The following STK33 variants were observed in gnomAD, a reference collection of about 807,000 sequenced individuals.
The protein encoded by STK33 is serine/threonine-protein kinase 33.
Under a neutral mutation model 58.0 loss-of-function variants are expected in STK33, and 52 were observed. The ratio of observed to expected loss-of-function variants is 0.90; its 90% confidence interval spans 0.72 to 1.13. The LOEUF is 1.13. STK33 is among the 50% of genes most tolerant of loss of function. The pLI is 0.00. For synonymous variants in STK33, 215 were observed against 200.1 expected, an observed-to-expected ratio of 1.07 and a Z score of -0.63; for missense variants, 630 against 604.2, an observed-to-expected ratio of 1.04 and a Z score of -0.45.
chr11:8,498,854 G>T (rs1181329162), intron 1 of STK33, among the ~76,000 whole-genome samples: 1 of 152,152 alleles, frequency 6.6e-6, no homozygotes, highest in Non-Finnish European at 1.5e-5. Context: ...TTTAATAAAT[G>T]GTGTTGGGCA....
In STK33 at chr11:8,392,632, T is replaced by C; in HGVS notation, c.1423A>G (p.Lys475Glu). Residue 475 changes from lysine (K) to glutamate (E), a missense_variant, in exon 16 of 16, where the codon AAA becomes GAA. Transcript: ENST00000687296. ...CCCTTGATTTCAGCTGGAAGGAGTT[T>C]GCTAGATGTGAAACTTGAACTGCAC... ...DMCSSSFTSS[K>E]LLPAEIKGEM... The C allele has an allele frequency of 1.2e-6, 2 of 1,614,226 alleles. No homozygotes were observed. Among genetic ancestry groups the C allele is most frequent in the Non-Finnish European group, 1.7e-6 (2 of 1,180,042 alleles).
chr11:8,586,822 TAAAAAAAAAAAAAA>T (rs56064924), intron 1 of STK33, among the ~76,000 whole-genome samples: 443 of 78,250 alleles, frequency 5.7e-3, no homozygotes, highest in Middle Eastern at 0.015. Flanking sequence ...AGACTCTGTC[TAAAAAAAAAAAAAA>T]AAAAAAAAAA....
At chr11:8,542,102 G>T (rs559157441) in intron 1 of STK33, among the ~76,000 whole-genome samples, 27 of 152,306 alleles carry the variant, frequency 1.8e-4, no homozygotes, top group Middle Eastern at 3.4e-3. Context: ...GTAAGAATTT[G>T]CTCATAGGTA....
the STK33 span, among the ~76,000 whole-genome samples, chr11:8,360,133 T>A: frequency 6.6e-6 from 1 of 152,260 alleles, no homozygotes; most frequent in East Asian, 1.9e-4. Flanking sequence ...TGCAGGTATC[T>A]GTAAATTCAA....
chr11:8,571,209 A>G (rs998765035), intron 1 of STK33, among the ~76,000 whole-genome samples: 1 of 152,206 alleles, frequency 6.6e-6, no homozygotes, highest in African/African-American at 2.4e-5. Context: ...GAGCATGCAC[A>G]TGAGTCTCGG....
intron 1 of STK33, among the ~76,000 whole-genome samples, chr11:8,492,629 A>C (rs1333705387): frequency 6.6e-6 from 1 of 152,192 alleles, no homozygotes; most frequent in African/African-American, 2.4e-5. Context: ...TCCACCCCAA[A>C]TCAACAGAAT....
chr11:8,475,905 T>C (rs1004295350), intron 4 of STK33: 24 of 152,182 alleles, frequency 1.6e-4, no homozygotes, highest in African/African-American at 5.5e-4. Context: ...CCTGGGGATA[T>C]ATGCAATATA....
intron 8 of STK33, among the ~76,000 whole-genome samples, chr11:8,458,677 T>G (rs1487790699): frequency 6.6e-6 from 1 of 152,098 alleles, no homozygotes. Context: ...CTTTAGGTAT[T>G]CCAACAGCCA....
chr11:8,560,866 T>G (rs1299138007), intron 1 of STK33, among the ~76,000 whole-genome samples: 1 of 152,162 alleles, frequency 6.6e-6, no homozygotes, highest in African/African-American at 2.4e-5. Flanking sequence ...TGAGAATGCA[T>G]AGCTGCTATG....
intron 1 of STK33, among the ~76,000 whole-genome samples, chr11:8,518,627 A>C (rs1310166035): frequency 2.6e-5 from 4 of 152,214 alleles, no homozygotes; most frequent in African/African-American, 7.2e-5. Flanking sequence ...ATAGGCTCAA[A>C]ATAAAGGGAT....
intron 2 of STK33, among the ~76,000 whole-genome samples, chr11:8,478,137 T>C (rs1376087995): frequency 6.8e-6 from 1 of 147,974 alleles, no homozygotes; most frequent in African/African-American, 2.7e-5. Context: ...ATCTGAAAGA[T>C]TTGTTACTAA....
At chr11:8,377,872 A>T in the STK33 span, among the ~76,000 whole-genome samples, 1 of 152,216 alleles carries the variant, frequency 6.6e-6, no homozygotes, top group African/African-American at 2.4e-5. Flanking sequence ...GCAAAAAATA[A>T]AATACCTAGG....
At chr11:8,455,730 G>A (rs549662996) in intron 9 of STK33, among the ~76,000 whole-genome samples, 33 of 149,042 alleles carry the variant, frequency 2.2e-4, no homozygotes, top group African/African-American at 7.1e-4. Flanking sequence ...AGAATGGCGT[G>A]AGGCTGGGAG....
At chr11:8,493,394 A>G (rs923602019) in intron 1 of STK33, among the ~76,000 whole-genome samples, 1 of 152,032 alleles carries the variant, frequency 6.6e-6, no homozygotes, top group Non-Finnish European at 1.5e-5. Context: ...AAGACTAAAC[A>G]AGGAAGAAGT....
intron 1 of STK33, among the ~76,000 whole-genome samples, chr11:8,523,409 C>T (rs920982954): frequency 1.3e-5 from 2 of 151,832 alleles, no homozygotes; most frequent in Admixed American, 1.3e-4. Flanking sequence ...CAGCCGCAAC[C>T]CCGTCTGGGA....
At chr11:8,558,705 T>G (rs986706580) in intron 1 of STK33, among the ~76,000 whole-genome samples, 1 of 152,180 alleles carries the variant, frequency 6.6e-6, no homozygotes. Flanking sequence ...GTTTTGTGTG[T>G]TCCTGCTGGG....
chr11:8,528,893 T>A (rs1160806978), intron 1 of STK33, among the ~76,000 whole-genome samples: 1 of 152,264 alleles, frequency 6.6e-6, no homozygotes. Context: ...TGCCAGGTAG[T>A]GTACTGAACA....
At chr11:8,579,789 T>C (rs1215940749) in intron 1 of STK33, among the ~76,000 whole-genome samples, 4 of 152,022 alleles carry the variant, frequency 2.6e-5, no homozygotes, top group Non-Finnish European at 5.9e-5. Context: ...AATAATCTGA[T>C]TTTTAAAATG....
At chr11:8,447,815 G>C (rs1350199689) in intron 11 of STK33, among the ~76,000 whole-genome samples, 1 of 152,082 alleles carries the variant, frequency 6.6e-6, no homozygotes, top group Non-Finnish European at 1.5e-5. Context: ...GGAAATAAAG[G>C]GTATTCAATT....
Sources: gnomAD v4.1 joint callset for allele counts (sites outside exome capture counted in the v4.1 genomes callset) on GRCh38, gnomAD v4.1.1 for gene constraint, MANE v1.5 for transcripts, NCBI Gene and HGNC (gene_info 2026-07-23, HGNC 2026-07-21) for gene names.